The following ERC2 variants were observed in gnomAD, a reference collection of about 807,000 sequenced individuals.
The protein encoded by ERC2 is ELKS/RAB6-interacting/CAST family member 2.
ERC2 carries 42 observed loss-of-function variants against 114.8 expected under a neutral mutation model. The observed-to-expected ratio is 0.37, with a 90% confidence interval of 0.29 to 0.47. ERC2 has a LOEUF of 0.47. Ranked by LOEUF, ERC2 falls within the 20% of genes least tolerant of loss-of-function variation. The pLI is 0.99. For synonymous variants in ERC2, 454 were observed against 425.5 expected, an observed-to-expected ratio of 1.07 and a Z score of -0.82; for missense variants, 939 against 1,150.7, an observed-to-expected ratio of 0.82 and a Z score of 2.66.
At chr3:55,631,293 T>C (rs1370334839) in intron 17 of ERC2, among the ~76,000 whole-genome samples, 3 of 152,256 alleles carry the variant, frequency 2.0e-5, no homozygotes, top group Middle Eastern at 3.4e-3. Flanking sequence ...AGCTCCTAAA[T>C]ATTGGGAAAA....
chr3:56,405,878 CT>C (rs1206466252), intron 2 of ERC2, among the ~76,000 whole-genome samples: 4 of 116,846 alleles, frequency 3.4e-5, no homozygotes, highest in Admixed American at 1.9e-4. Flanking sequence ...AGGATATGAA[CT>C]TTTTTTTCTT....
intron 3 of ERC2, among the ~76,000 whole-genome samples, chr3:56,203,001 G>A (rs145491688): frequency 5.1e-4 from 77 of 152,294 alleles, no homozygotes; most frequent in African/African-American, 1.8e-3. Context: ...CACAACCACT[G>A]ACATTGAAAT....
Position 56,184,059 on chromosome 3 carries a change from C to T in ERC2, c.1075-10539G>A, listed in dbSNP as rs139275880. On this transcript the variant is annotated intron_variant, in intron 3 of 17. Transcript: ENST00000288221. Reference sequence around the variant, plus strand: ...GGACATTTGGGAGCCTAAAACTATGCTATCTGAATCTCTGTGCATGTACAT... The same window carrying T: ...GGACATTTGGGAGCCTAAAACTATGTTATCTGAATCTCTGTGCATGTACAT... Among the ~76,000 whole-genome samples, 161 of 152,192 alleles carry T rather than the reference C, an allele frequency of 1.1e-3. No homozygotes were observed. In the East Asian group the frequency reaches 0.014, roughly 13 times the overall value.
chr3:56,086,809 A>G (rs2077528539), intron 6 of ERC2, among the ~76,000 whole-genome samples: 1 of 152,150 alleles, frequency 6.6e-6, no homozygotes. Context: ...TTAAAACAGA[A>G]TCAGAAAAGC....
intron 17 of ERC2, among the ~76,000 whole-genome samples, chr3:55,665,303 T>A (rs815475): frequency 0.094 from 14,254 of 152,294 alleles, 694 homozygotes; most frequent in Admixed American, 0.12. Flanking sequence ...ATTTCAGGGC[T>A]GGAAGAAACC....
intron 15 of ERC2, among the ~76,000 whole-genome samples, chr3:55,718,805 G>A (rs1277859639): frequency 6.6e-6 from 1 of 152,168 alleles, no homozygotes; most frequent in African/African-American, 2.4e-5. Context: ...TCTTGGTCAG[G>A]ACATTAATAT....
At chr3:56,450,564 T>C (rs1256570684) in intron 1 of ERC2, among the ~76,000 whole-genome samples, 3 of 152,222 alleles carry the variant, frequency 2.0e-5, no homozygotes, top group Non-Finnish European at 2.9e-5. Context: ...GGTAAGCTCA[T>C]GCCTATAATC....
At chr3:55,824,490 C>A (rs2060254750) in intron 14 of ERC2, among the ~76,000 whole-genome samples, 1 of 152,132 alleles carries the variant, frequency 6.6e-6, no homozygotes, top group Non-Finnish European at 1.5e-5. Context: ...ATTTTTGGGT[C>A]TATGTGTTAA....
chr3:56,353,190 T>C (rs2058615494), intron 2 of ERC2, among the ~76,000 whole-genome samples: 1 of 152,086 alleles, frequency 6.6e-6, no homozygotes, highest in Non-Finnish European at 1.5e-5. Flanking sequence ...TTACCTCCTA[T>C]GGTCCCATGG....
chr3:56,177,802 G>A (rs1158718530), intron 3 of ERC2, among the ~76,000 whole-genome samples: 1 of 152,148 alleles, frequency 6.6e-6, no homozygotes, highest in African/African-American at 2.4e-5. Context: ...GGTTTCTAAT[G>A]CTCTTCCAGC....
chr3:56,219,488 G>A (rs1422536107), intron 3 of ERC2, among the ~76,000 whole-genome samples: 1 of 151,954 alleles, frequency 6.6e-6, no homozygotes, highest in African/African-American at 2.4e-5. Context: ...TATGTATCCT[G>A]AGTTTCCCAA....
rs1453300331 is a variant in ERC2, at chr3:56,307,596, A to G, written c.658-11161T>C. Among the ~76,000 whole-genome samples the G allele has an allele frequency of 5.3e-5, 8 of 152,204 alleles. No individual in the cohort carries two copies. The East Asian group carries it at 9.6e-4, about 18-fold the overall frequency. On this transcript the variant is annotated intron_variant, in intron 2 of 17. Transcript: ENST00000288221. The stretch of plus-strand genomic sequence containing the variant: ...CAACTTCAAATACTGGTGACATTGG[A>G]GCCAAAATGCCAAGACCATTAACCT...
intron 17 of ERC2, among the ~76,000 whole-genome samples, chr3:55,586,058 GC>G (rs1261809985): frequency 2.6e-5 from 4 of 152,236 alleles, no homozygotes; most frequent in Non-Finnish European, 5.9e-5. Flanking sequence ...GAGCCTGGGA[GC>G]CCCGGGGGCT....
intron 3 of ERC2, among the ~76,000 whole-genome samples, chr3:56,261,358 G>A (rs1438111238): frequency 1.3e-5 from 2 of 150,312 alleles, no homozygotes; most frequent in Admixed American, 6.6e-5. Context: ...TCTTATAAAC[G>A]GCTCTATCTA....
chr3:55,539,279 T>C (rs1295312479), intron 17 of ERC2, among the ~76,000 whole-genome samples: 1 of 152,158 alleles, frequency 6.6e-6, no homozygotes, highest in Admixed American at 6.5e-5. Flanking sequence ...GGCTGGACAC[T>C]GAATTGAACA....
chr3:56,087,754 A>G (rs1239660103), intron 6 of ERC2, among the ~76,000 whole-genome samples: 4 of 152,148 alleles, frequency 2.6e-5, no homozygotes, highest in African/African-American at 7.2e-5. Flanking sequence ...AAAGCTCCCA[A>G]TATAGTTTTA....
chr3:56,171,852 T>TG lies in ERC2; in HGVS notation c.1149+1593_1149+1594insC, dbSNP rs112581251. On this transcript the variant is annotated intron_variant, in intron 4 of 17. Transcript: ENST00000288221. Reference sequence around the variant, plus strand: ...GCCTTGGAAACTCGCTCTTTTTTTTTTTTTTCTTAAATGATAATTTGGAAA... The same window carrying TG: ...GCCTTGGAAACTCGCTCTTTTTTTTTGTTTTTCTTAAATGATAATTTGGAAA... Among the ~76,000 whole-genome samples the TG allele has an allele frequency of 9.1e-3, 1,367 of 150,880 alleles. 27 individuals are homozygous for TG. Among genetic ancestry groups the TG allele is most frequent in the African/African-American group, 0.032 (1,310 of 41,128 alleles).
chr3:56,097,339 A>G (rs2078115218), intron 6 of ERC2, among the ~76,000 whole-genome samples: 1 of 152,072 alleles, frequency 6.6e-6, no homozygotes, highest in Non-Finnish European at 1.5e-5. Flanking sequence ...ACATATACTT[A>G]TTGCTCACTT....
At chr3:55,865,442 G>A (rs1489131162) in intron 14 of ERC2, among the ~76,000 whole-genome samples, 1 of 152,080 alleles carries the variant, frequency 6.6e-6, no homozygotes, top group African/African-American at 2.4e-5. Context: ...ACTCTGCAGA[G>A]ACCCCCTTTA....
Sources: gnomAD v4.1 joint callset for allele counts (sites outside exome capture counted in the v4.1 genomes callset) on GRCh38, gnomAD v4.1.1 for gene constraint, MANE v1.5 for transcripts, NCBI Gene and HGNC (gene_info 2026-07-23, HGNC 2026-07-21) for gene names.